Variants in DPYD observed in about 807,000 individuals in gnomAD.
DPYD encodes the protein dihydropyrimidine dehydrogenase [NADP(+)].
DPYD carries 109 observed loss-of-function variants against 116.2 expected under a neutral mutation model. The observed-to-expected ratio is 0.94, with a 90% CI of 0.80 to 1.10. DPYD has a LOEUF of 1.10. Among genes scored for constraint, DPYD ranks in the 50% least tolerant of loss-of-function variants. DPYD has a pLI of 0.00. For synonymous variants in DPYD, 440 were observed against 432.0 expected (o/e 1.02, Z -0.23); for missense variants, 1,302 against 1,254.5 (o/e 1.04, Z -0.57).
chr1:97,540,336 G>A (rs1650336743), intron 12 of DPYD, among the ~76,000 whole-genome samples: 1 of 135,244 alleles, frequency 7.4e-6, no homozygotes, highest in Admixed American at 7.4e-5. Context: ...GGGGGTGGGG[G>A]GTGGGGGTGG....
chr1:97,280,466 T>C (rs1665248192), intron 18 of DPYD, among the ~76,000 whole-genome samples: 1 of 152,198 alleles, frequency 6.6e-6, no homozygotes, highest in Admixed American at 6.5e-5. Flanking sequence ...GCAGCACTAT[T>C]CACAACAGCC....
chr1:97,187,756 G>C (rs1451075578), intron 20 of DPYD, among the ~76,000 whole-genome samples: 4 of 152,060 alleles, frequency 2.6e-5, no homozygotes, highest in African/African-American at 9.7e-5. Flanking sequence ...AATATGGTTA[G>C]AGGTAGAAGT....
intron 8 of DPYD, among the ~76,000 whole-genome samples, chr1:97,624,999 G>T (rs1656845607): frequency 6.6e-6 from 1 of 151,976 alleles, no homozygotes; most frequent in African/African-American, 2.4e-5. Flanking sequence ...TAAAATCTCA[G>T]ACCATAAGTG....
intron 14 of DPYD, among the ~76,000 whole-genome samples, chr1:97,403,458 T>C (rs1298310285): frequency 6.6e-6 from 1 of 152,050 alleles, no homozygotes; most frequent in African/African-American, 2.4e-5. Flanking sequence ...TTTTGCTTTG[T>C]TTTGGAAGGT....
chr1:97,442,155 T>G (rs949656068), intron 14 of DPYD, among the ~76,000 whole-genome samples: 1 of 152,062 alleles, frequency 6.6e-6, no homozygotes, highest in Non-Finnish European at 1.5e-5. Flanking sequence ...ATTCTCTTTA[T>G]GTAGCTCTCT....
chr1:97,475,727 A>C (rs1259493916), intron 13 of DPYD, among the ~76,000 whole-genome samples: 2 of 152,188 alleles, frequency 1.3e-5, no homozygotes, highest in Non-Finnish European at 2.9e-5. Flanking sequence ...TTATTTTCAA[A>C]ACTAGGCTGG....
chr1:97,268,055 T>C (rs1396974174), intron 18 of DPYD, among the ~76,000 whole-genome samples: 2 of 151,852 alleles, frequency 1.3e-5, no homozygotes, highest in African/African-American at 2.4e-5. Flanking sequence ...AAGAAAGAAA[T>C]AGGCAAGAAA....
rs182943055 is a variant in DPYD at position 97,704,410 on chromosome 1, T to C, written c.484-4863A>G. 8.2e-4 allele frequency among the ~76,000 whole-genome samples: 124 copies of C among 152,072 alleles called. 1 individual carries two copies. The highest frequency in any genetic ancestry group is 1.9e-4 in the Non-Finnish European group (13 of 67,958). ...ACACTTTAAACTGCCAATGAATAGATTGTGTAAGTTAAAAAAAAGAGGGTT... is the reference window on the plus strand; with the variant it reads ...ACACTTTAAACTGCCAATGAATAGACTGTGTAAGTTAAAAAAAAGAGGGTT... On this transcript the variant is annotated intron_variant, in intron 5 of 22. Coordinates refer to ENST00000370192, the MANE Select transcript of DPYD (RefSeq NM_000110.4).
chr1:97,546,442 G>A, intron 12 of DPYD: 1 of 1,598,604 alleles, frequency 6.3e-7, no homozygotes, highest in Non-Finnish European at 8.6e-7. Context: ...TTCCTGAAGT[G>A]AGAAAGATGA....
chr1:97,688,651 AAAC>A (rs1161838313), intron 7 of DPYD, among the ~76,000 whole-genome samples: 21 of 152,130 alleles, frequency 1.4e-4, no homozygotes, highest in African/African-American at 5.1e-4. Context: ...AAAATTCACA[AAAC>A]AACAAATAAA....
intron 14 of DPYD, among the ~76,000 whole-genome samples, chr1:97,413,047 T>C (rs1674097140): frequency 6.6e-6 from 1 of 152,218 alleles, no homozygotes; most frequent in South Asian, 2.1e-4. Flanking sequence ...AAAGGGTTTA[T>C]CATATGCTAC....
chr1:97,206,198 G>C (rs1570667696), intron 19 of DPYD, among the ~76,000 whole-genome samples: 1 of 151,840 alleles, frequency 6.6e-6, no homozygotes, highest in Admixed American at 6.6e-5. Context: ...GGGGAGGCAA[G>C]GAGCTACTCA....
At chr1:97,808,135 C>T (rs760937459) in intron 3 of DPYD, among the ~76,000 whole-genome samples, 56 of 152,120 alleles carry the variant, frequency 3.7e-4, no homozygotes, top group Admixed American at 1.3e-3. Flanking sequence ...ATCATTTTGT[C>T]CATAAGCAAG....
chr1:97,231,118 A>G (rs1174100317), intron 19 of DPYD, among the ~76,000 whole-genome samples: 1 of 152,216 alleles, frequency 6.6e-6, no homozygotes, highest in African/African-American at 2.4e-5. Context: ...ACTCTCGTTT[A>G]GTTTTCTATG....
chr1:97,710,588 A>G (rs1662226950), intron 5 of DPYD, among the ~76,000 whole-genome samples: 1 of 151,852 alleles, frequency 6.6e-6, no homozygotes, highest in South Asian at 2.1e-4. Flanking sequence ...TATTATTAAA[A>G]TAGACATTGA....
chr1:97,109,780 T>A (rs1651456556), intron 20 of DPYD, among the ~76,000 whole-genome samples: 1 of 152,080 alleles, frequency 6.6e-6, no homozygotes, highest in Non-Finnish European at 1.5e-5. Flanking sequence ...ATTTTGAAAG[T>A]CAATTTTTAG....
At chr1:97,445,725 A>AT (rs35500519) in intron 14 of DPYD, among the ~76,000 whole-genome samples, 103,424 of 138,362 alleles carry the variant, frequency 0.75, 39,722 homozygotes, top group East Asian at 0.87. Flanking sequence ...AAATTGTCTG[A>AT]TTTTTTTTTT....
At chr1:97,586,693 G>A in intron 10 of DPYD, among the ~76,000 whole-genome samples, 1 of 151,142 alleles carries the variant, frequency 6.6e-6, no homozygotes, top group East Asian at 1.9e-4. Flanking sequence ...GTTGGCTCCT[G>A]GCCTATTTGC....
intron 20 of DPYD, among the ~76,000 whole-genome samples, chr1:97,119,474 C>T (rs1411433152): frequency 1.3e-5 from 2 of 152,072 alleles, no homozygotes. Flanking sequence ...GTGTCATGGG[C>T]TGACAGGAGA....
Sources: gnomAD v4.1 joint callset for allele counts (sites outside exome capture counted in the v4.1 genomes callset) on GRCh38, gnomAD v4.1.1 for gene constraint, MANE v1.5 for transcripts, NCBI Gene and HGNC (gene_info 2026-07-23, HGNC 2026-07-21) for gene names.